The following TP73 variants were observed in gnomAD, a reference collection of about 807,000 sequenced individuals.
TP73 encodes tumor protein p73.
TP73 carries 25 observed loss-of-function variants against 62.5 expected under a neutral mutation model. The ratio of observed to expected loss-of-function variants is 0.40; its 90% CI spans 0.29 to 0.56. The LOEUF (loss-of-function observed/expected upper bound fraction) is 0.56. Among genes scored for constraint, TP73 ranks in the 20% least tolerant of loss-of-function variants. The pLI, the probability that TP73 is intolerant of heterozygous loss-of-function variation, is 0.46. For missense variants in TP73, 754 were observed against 913.3 expected (o/e 0.83, Z 2.25); for synonymous variants, 423 against 377.5 (o/e 1.12, Z -1.40).
intron 1 of TP73, among the ~76,000 whole-genome samples, chr1:3,656,739 T>C (rs942634212): frequency 6.6e-6 from 1 of 152,162 alleles, no homozygotes; most frequent in Non-Finnish European, 1.5e-5. Context: ...CGTGGAACAT[T>C]CAGGCCGGAA....
Position 3,662,461 on chromosome 1 carries a change from G to A in TP73, c.-34+9820G>A, listed in dbSNP as rs920176385. Among the ~76,000 whole-genome samples, 1 of 152,218 alleles carries A rather than the reference G, an allele frequency of 6.6e-6. No individual in the cohort carries two copies. Among genetic ancestry groups the A allele is most frequent in the Non-Finnish European group, 1.5e-5 (1 of 68,028 alleles). ...GCAGGCTGAACCAGCTATAGCAGGG[G>A]AGTTGACTGGTGAATGAAGGTGGTT... is the stretch of plus-strand genomic sequence containing the variant. On this transcript the variant is annotated intron_variant, in intron 1 of 13. Transcript: ENST00000378295. The surrounding 1 kb of genome is among the most constrained non-coding windows in gnomAD (Gnocchi z 4.4).
chr1:3,707,418 G>C, intron 3 of TP73, 131 bp from the exon 4 acceptor site: 2 of 1,313,834 alleles, frequency 1.5e-6, no homozygotes, highest in Non-Finnish European at 2.1e-6. Flanking sequence ...ATGGGGGAGA[G>C]ACCCGGGGAA....
intron 3 of TP73, among the ~76,000 whole-genome samples, chr1:3,686,607 C>A (rs1163518559): frequency 2.0e-5 from 3 of 152,158 alleles, no homozygotes; most frequent in Non-Finnish European, 4.4e-5. Flanking sequence ...AGCAGTTGAA[C>A]CCTCAGTGGG....
rs1221824820 is a variant in TP73, at chr1:3,707,551, C to T, written c.189C>T (p.Ala63=). The T allele has an allele frequency of 6.2e-7, 1 of 1,606,584 alleles. No homozygotes were observed. The highest frequency in any genetic ancestry group is 8.5e-7 in the Non-Finnish European group (1 of 1,174,836). The part of the protein sequence containing the change: ...HLEGMTTSVM[A]QFNLLSSTMD... ...CCTCCTCCCCTTTCCCGCGCCAGGC[C>T]CAGTTCAATCTGCTGAGCAGCACCA... The change falls in exon 4 of 14, where the codon GCC becomes GCT. Residue 63 remains alanine (A), a splice_region_variant and synonymous_variant. Coordinates refer to ENST00000378295, the MANE Select transcript of TP73 (RefSeq NM_005427.4).
intron 1 of TP73, among the ~76,000 whole-genome samples, chr1:3,656,033 C>A (rs1346811712): frequency 6.6e-6 from 1 of 152,108 alleles, no homozygotes; most frequent in African/African-American, 2.4e-5. Context: ...AAAAATTAGT[C>A]GGGCGTGGTG....
At position 3,666,371 on chromosome 1, in the gene TP73, T is replaced by C; in HGVS notation, c.-34+13730T>C. On this transcript the variant is annotated intron_variant, in intron 1 of 13. Coordinates refer to ENST00000378295, the MANE Select transcript of TP73 (RefSeq NM_005427.4). This position sits in a 1 kb window ranked among gnomAD's most constrained non-coding sequence, Gnocchi z 6.4. ...TTGCTATGTATCCCACACTAATGAA[T>C]GTAAAATCTTAAAATGGTGCCTGGT... Among the ~76,000 whole-genome samples the C allele has an allele frequency of 6.6e-6, 1 of 152,168 alleles. No homozygotes were observed. Among genetic ancestry groups the C allele is most frequent in the Non-Finnish European group, 1.5e-5 (1 of 68,024 alleles).
In TP73 at chr1:3,728,171, G is replaced by T; in HGVS notation, c.1028G>T (p.Gly343Val). 6.2e-7 allele frequency: 1 copy of T among 1,611,982 alleles called. No homozygotes were observed. Among genetic ancestry groups the T allele is most frequent in the African/African-American group, 1.3e-5 (1 of 75,064 alleles). The part of the protein sequence containing the change: ...SPPAVPALGA[G>V]VKKRRHGDED... ...CCTGCCGTCCCCGCCCTTGGTGCCG[G>T]TGTGAAGAAGCGGCGGCATGGAGAC... The change falls in exon 9 of 14, where the codon GGT (glycine) becomes GTT (valine). Residue 343 changes from glycine to valine, a missense_variant. Gly to Val is a moderately radical substitution (Grantham distance 109). Around this residue, in one of 3 missense-constraint regions of TP73, gnomAD observed 458 missense variants for 528.7 expected, o/e 0.87. Coordinates refer to ENST00000378295, the MANE Select transcript of TP73 (RefSeq NM_005427.4).
intron 3 of TP73, among the ~76,000 whole-genome samples, chr1:3,703,683 A>G (rs1211209722): frequency 6.6e-6 from 1 of 152,232 alleles, no homozygotes; most frequent in Admixed American, 6.5e-5. Context: ...TCTCCCAAAC[A>G]AGGGAGGCAT....
At chr1:3,700,464 G>A (rs970680135) in intron 3 of TP73, among the ~76,000 whole-genome samples, 4 of 152,154 alleles carry the variant, frequency 2.6e-5, no homozygotes, top group African/African-American at 7.2e-5. Context: ...GACTAGGGGG[G>A]AACAGGGACA....
rs1645043409 is a variant in TP73 at position 3,663,556 on chromosome 1, A to C, written c.-34+10915A>C. On this transcript the variant is annotated intron_variant, in intron 1 of 13. Coordinates refer to ENST00000378295, the MANE Select transcript of TP73 (RefSeq NM_005427.4). This position sits in a 1 kb window ranked among gnomAD's most constrained non-coding sequence, Gnocchi z 4.7. Reference sequence around the variant, plus strand: ...CGGTGAAACCCCATCTCTACTAAAAAATACAAAAAATTAGCCAGGCGTGGT... The same window carrying C: ...CGGTGAAACCCCATCTCTACTAAAACATACAAAAAATTAGCCAGGCGTGGT... Among the ~76,000 whole-genome samples, 1 of 152,148 alleles carries C rather than the reference A, an allele frequency of 6.6e-6. No individual in the cohort carries two copies. Among genetic ancestry groups the C allele is most frequent in the Non-Finnish European group, 1.5e-5 (1 of 68,028 alleles).
intron 3 of TP73, among the ~76,000 whole-genome samples, chr1:3,695,477 G>A (rs1435854524): frequency 6.6e-6 from 1 of 152,206 alleles, no homozygotes; most frequent in South Asian, 2.1e-4. Context: ...TTCCCACCCT[G>A]CCCCTCCGCA....
At chr1:3,661,765 C>A (rs868314523) in intron 1 of TP73, among the ~76,000 whole-genome samples, 1 of 143,918 alleles carries the variant, frequency 6.9e-6, no homozygotes, top group Non-Finnish European at 1.5e-5. Context: ...TATACATACA[C>A]TATATATAAT....
chr1:3,690,452 G>A (rs1475242379), intron 3 of TP73, among the ~76,000 whole-genome samples: 1 of 152,206 alleles, frequency 6.6e-6, no homozygotes, highest in African/African-American at 2.4e-5. Flanking sequence ...CTGCTTTACG[G>A]GGTGAGGGCC....
At chr1:3,673,863 G>C (rs1051841836) in intron 1 of TP73, among the ~76,000 whole-genome samples, 1 of 152,176 alleles carries the variant, frequency 6.6e-6, no homozygotes, top group Non-Finnish European at 1.5e-5. Context: ...CAGGGTGCGG[G>C]GTGTGGCTGT....
chr1:3,661,773 A>G (rs1644994169), intron 1 of TP73, among the ~76,000 whole-genome samples: 1 of 147,876 alleles, frequency 6.8e-6, no homozygotes, highest in South Asian at 2.1e-4. Context: ...CACTATATAT[A>G]ATATGTATTA....
intron 1 of TP73, among the ~76,000 whole-genome samples, chr1:3,676,829 C>G (rs1346358236): frequency 6.6e-6 from 1 of 151,858 alleles, no homozygotes; most frequent in African/African-American, 2.4e-5. Context: ...CACAGCACCC[C>G]CTCTCCGCCA....
chr1:3,723,522 G>T, intron 6 of TP73, 53 bp downstream of exon 6: 2 of 886,548 alleles, frequency 2.3e-6, no homozygotes, highest in South Asian at 1.3e-5. Context: ...TGTACGGGTC[G>T]GGGGAGGGGT....
intron 6 of TP73, among the ~76,000 whole-genome samples, chr1:3,725,505 T>A (rs1469295385): frequency 2.0e-5 from 2 of 101,136 alleles, no homozygotes; most frequent in Non-Finnish European, 3.9e-5. Context: ...GGTGAATGGG[T>A]GAATGGATGG....
intron 1 of TP73, among the ~76,000 whole-genome samples, chr1:3,681,883 TC>T (rs1347771170): frequency 3.7e-5 from 4 of 107,786 alleles, no homozygotes; most frequent in Admixed American, 3.1e-4. Flanking sequence ...ACACACTTGT[TC>T]CGGCCCAAGC....
Sources: gnomAD v4.1 joint callset for allele counts (sites outside exome capture counted in the v4.1 genomes callset) on GRCh38, gnomAD v4.1.1 for gene constraint, gnomAD v4.1.1 regional missense constraint, Gnocchi (gnomAD v3.1) non-coding constraint, MANE v1.5 for transcripts, NCBI Gene and HGNC (gene_info 2026-07-23, HGNC 2026-07-21) for gene names.